Variants in GRHL2 observed in about 807,000 individuals in gnomAD.
GRHL2 encodes grainyhead like transcription factor 2.
GRHL2 carries 21 observed loss-of-function variants against 83.8 expected under a neutral mutation model. That is an observed-to-expected ratio of 0.25 (90% CI 0.18 to 0.36). The LOEUF (loss-of-function observed/expected upper bound fraction) is 0.36, where lower values mean the gene tolerates loss of function less well. GRHL2 is among the 10% of genes least tolerant of loss of function. The pLI, the probability that GRHL2 is intolerant of heterozygous loss-of-function variation, is 1.00. For synonymous variants in GRHL2, 280 were observed against 278.9 expected (o/e 1.00, Z -0.04); for missense variants, 623 against 781.8 (o/e 0.80, Z 2.42).
intron 1 of GRHL2, among the ~76,000 whole-genome samples, chr8:101,528,412 C>T (rs1001803577): frequency 2.6e-5 from 4 of 151,392 alleles, no homozygotes; most frequent in African/African-American, 9.7e-5. Context: ...TTCTTTTTAC[C>T]CCCGTCTCTT....
At chr8:101,640,850 T>C (rs1813386225) in intron 12 of GRHL2, among the ~76,000 whole-genome samples, 1 of 152,138 alleles carries the variant, frequency 6.6e-6, no homozygotes. Flanking sequence ...AGACCTCAAC[T>C]CTCTCCAAGA....
intron 13 of GRHL2, 122 bp from the exon 14 acceptor site, chr8:101,649,292 G>C (rs1056776302): frequency 2.7e-6 from 2 of 746,746 alleles, no homozygotes; most frequent in Admixed American, 4.0e-5. Flanking sequence ...CTGGACCAGG[G>C]TTCTGAGGCT....
intron 1 of GRHL2, among the ~76,000 whole-genome samples, chr8:101,536,405 GAGAA>G (rs761039902): frequency 2.0e-4 from 31 of 152,206 alleles, no homozygotes; most frequent in African/African-American, 7.2e-4. Flanking sequence ...AAGGGATAAA[GAGAA>G]AGAATAATAG....
chr8:101,569,509 G>C (rs572297068), intron 4 of GRHL2, among the ~76,000 whole-genome samples: 1 of 152,142 alleles, frequency 6.6e-6, no homozygotes, highest in African/African-American at 2.4e-5. Context: ...CCAGCCTGTC[G>C]CTCAGGCTGA....
chr8:101,548,776 A>T (rs1329526347), intron 2 of GRHL2, among the ~76,000 whole-genome samples: 1 of 152,246 alleles, frequency 6.6e-6, no homozygotes, highest in African/African-American at 2.4e-5. Flanking sequence ...CCGCAGGTTA[A>T]TAACCACCTT....
chr8:101,499,557 A>G (rs1223869416), intron 1 of GRHL2, among the ~76,000 whole-genome samples: 1 of 152,194 alleles, frequency 6.6e-6, no homozygotes, highest in African/African-American at 2.4e-5. Flanking sequence ...GCATTCTTTC[A>G]GTATTTACAG....
chr8:101,561,906 T>A, intron 4 of GRHL2: 2 of 476,246 alleles, frequency 4.2e-6, no homozygotes, highest in South Asian at 4.1e-5. Context: ...ACTTTTCATT[T>A]AAGTGACCTT....
intron 8 of GRHL2, among the ~76,000 whole-genome samples, chr8:101,600,029 A>C (rs567042791): frequency 6.6e-6 from 1 of 152,180 alleles, no homozygotes. Flanking sequence ...TGAAAAGGTC[A>C]ATGTACACTG....
chr8:101,543,219 C>T (rs768277942), intron 1 of GRHL2, 22 bp from the exon 2 acceptor site: 2 of 1,602,548 alleles, frequency 1.2e-6, no homozygotes, highest in Admixed American at 3.3e-5. Context: ...AAATGAACCT[C>T]ACATTTCTCT....
chr8:101,549,419 A>T (rs1266513277), intron 2 of GRHL2, among the ~76,000 whole-genome samples: 1 of 152,110 alleles, frequency 6.6e-6, no homozygotes, highest in Non-Finnish European at 1.5e-5. Context: ...GAAATAATTC[A>T]CAGTTATGAA....
At chr8:101,644,645 C>T (rs1813472461) in intron 13 of GRHL2, among the ~76,000 whole-genome samples, 1 of 152,182 alleles carries the variant, frequency 6.6e-6, no homozygotes, top group Non-Finnish European at 1.5e-5. Flanking sequence ...CATTTTCTCC[C>T]AGTCAAAGGT....
intron 1 of GRHL2, among the ~76,000 whole-genome samples, chr8:101,509,117 CCT>C (rs1563555988): frequency 0.096 from 5,554 of 57,580 alleles, 149 homozygotes; most frequent in Middle Eastern, 0.19. Context: ...CTCCTTCCTT[CCT>C]TCCTTCCTTC....
At chr8:101,573,598 T>A (rs144731360) in intron 5 of GRHL2, 70 bp from the exon 6 acceptor site, 2 of 1,561,236 alleles carry the variant, frequency 1.3e-6, no homozygotes, top group East Asian at 4.5e-5. Context: ...AATGCTATGA[T>A]GTGAAATTGG....
intron 4 of GRHL2, among the ~76,000 whole-genome samples, chr8:101,565,540 A>G (rs548990426): frequency 2.6e-5 from 4 of 152,276 alleles, no homozygotes; most frequent in African/African-American, 9.6e-5. Flanking sequence ...GCATCTTGTG[A>G]CATTATCATC....
intron 2 of GRHL2, among the ~76,000 whole-genome samples, chr8:101,548,727 A>G (rs1811316570): frequency 6.6e-6 from 1 of 152,242 alleles, no homozygotes; most frequent in Non-Finnish European, 1.5e-5. Flanking sequence ...TTGTAAAGCC[A>G]AAGTTTCAAA....
At chr8:101,492,983 G>A in intron 1 of GRHL2, 194 bp downstream of exon 1, 3 of 640,190 alleles carry the variant, frequency 4.7e-6, no homozygotes, top group East Asian at 2.7e-5. Flanking sequence ...ACAACAATGT[G>A]AATATTTAAT....
chr8:101,613,501 A>G (rs1812794097), intron 8 of GRHL2, among the ~76,000 whole-genome samples: 1 of 150,932 alleles, frequency 6.6e-6, no homozygotes, highest in Non-Finnish European at 1.5e-5. Context: ...ATATTAAATC[A>G]CTATTTGATG....
chr8:101,496,444 C>CT (rs1810107328), intron 1 of GRHL2, among the ~76,000 whole-genome samples: 1 of 152,008 alleles, frequency 6.6e-6, no homozygotes, highest in South Asian at 2.1e-4. Context: ...ATATCTTTTT[C>CT]AAACCAATAC....
At chr8:101,506,873 T>TA (rs1810351780) in intron 1 of GRHL2, among the ~76,000 whole-genome samples, 1 of 151,990 alleles carries the variant, frequency 6.6e-6, no homozygotes, top group Non-Finnish European at 1.5e-5. Context: ...TTAAAGAGAT[T>TA]AAACATTTTC....
Sources: gnomAD v4.1 joint callset for allele counts (sites outside exome capture counted in the v4.1 genomes callset) on GRCh38, gnomAD v4.1.1 for gene constraint, MANE v1.5 for transcripts, NCBI Gene and HGNC (gene_info 2026-07-23, HGNC 2026-07-21) for gene names.